The following CDH8 variants were observed in gnomAD, a reference collection of about 807,000 sequenced individuals.
The protein encoded by CDH8 is cadherin 8, also known as cadherin-8.
A neutral mutation model predicts 68.1 loss-of-function variants in CDH8; 17 were observed. The ratio of observed to expected loss-of-function variants is 0.25; its 90% confidence interval spans 0.17 to 0.37. The LOEUF is 0.37. CDH8 is among the 10% of genes least tolerant of loss of function. The pLI is 1.00. For missense variants in CDH8, 763 were observed against 999.3 expected, an observed-to-expected ratio of 0.76 and a Z score of 3.19; for synonymous variants, 372 against 365.1, an observed-to-expected ratio of 1.02 and a Z score of -0.21.
At chr16:61,772,092 G>A (rs1241365095) in intron 8 of CDH8, among the ~76,000 whole-genome samples, 6 of 151,786 alleles carry the variant, frequency 4.0e-5, no homozygotes, top group Non-Finnish European at 8.8e-5. Flanking sequence ...AGAACCCAGA[G>A]GTTTCTAAAT....
At chr16:61,782,345 C>T (rs1030956658) in intron 8 of CDH8, among the ~76,000 whole-genome samples, 21 of 152,142 alleles carry the variant, frequency 1.4e-4, no homozygotes, top group African/African-American at 2.2e-4. Flanking sequence ...CCTGGAAAAT[C>T]GGGTCACTCC....
At chr16:61,714,245 C>T in intron 9 of CDH8, 1 of 324,490 alleles carries the variant, frequency 3.1e-6, no homozygotes, top group Non-Finnish European at 5.7e-6. Context: ...ATCCACTGGG[C>T]AATTACAGGT....
At chr16:61,903,279 G>A (rs532365413) in intron 2 of CDH8, among the ~76,000 whole-genome samples, 61 of 152,296 alleles carry the variant, frequency 4.0e-4, no homozygotes, top group Admixed American at 8.5e-4. Context: ...AATTAACTAA[G>A]AGAAGTAACT....
At chr16:61,938,423 G>A (rs919907712) in intron 2 of CDH8, among the ~76,000 whole-genome samples, 4 of 152,100 alleles carry the variant, frequency 2.6e-5, no homozygotes, top group South Asian at 2.1e-4. Context: ...TGGGAATCTC[G>A]CTTTGCCTGA....
At chr16:61,890,707 A>G (rs563023042) in intron 3 of CDH8, among the ~76,000 whole-genome samples, 2 of 152,244 alleles carry the variant, frequency 1.3e-5, no homozygotes, top group Admixed American at 6.5e-5. Context: ...AATGATACCA[A>G]TATTATCCCT....
chr16:61,659,691 C>G (rs1161583397), intron 10 of CDH8, among the ~76,000 whole-genome samples: 1 of 152,074 alleles, frequency 6.6e-6, no homozygotes, highest in Non-Finnish European at 1.5e-5. Flanking sequence ...ATCATATGCT[C>G]TGCCCTAAGG....
At chr16:61,953,007 G>GCCTT (rs1964921862) in intron 2 of CDH8, among the ~76,000 whole-genome samples, 1 of 152,122 alleles carries the variant, frequency 6.6e-6, no homozygotes, top group Non-Finnish European at 1.5e-5. Context: ...AGGAGGTAGG[G>GCCTT]CCTTTGGGAG....
chr16:61,781,109 G>A (rs1177101773), intron 8 of CDH8, among the ~76,000 whole-genome samples: 1 of 152,184 alleles, frequency 6.6e-6, no homozygotes, highest in Non-Finnish European at 1.5e-5. Flanking sequence ...TTGTCACCCT[G>A]CAGCTAACAG....
chr16:61,780,113 G>T (rs1281226515), intron 8 of CDH8, among the ~76,000 whole-genome samples: 1 of 152,144 alleles, frequency 6.6e-6, no homozygotes, highest in African/African-American at 2.4e-5. Context: ...AATGTTATGA[G>T]AATTAAAAGC....
At chr16:61,922,887 T>C (rs1331557216) in intron 2 of CDH8, among the ~76,000 whole-genome samples, 1 of 152,218 alleles carries the variant, frequency 6.6e-6, no homozygotes, top group Non-Finnish European at 1.5e-5. Flanking sequence ...TTATTGAGAA[T>C]AGATGAATAT....
intron 9 of CDH8, chr16:61,726,629 A>T (rs761769073): frequency 1.0e-4 from 18 of 172,496 alleles, no homozygotes; most frequent in South Asian, 7.9e-4. Context: ...ATATATTTAC[A>T]TATTTACAGA....
intron 8 of CDH8, among the ~76,000 whole-genome samples, chr16:61,735,719 G>T (rs942690704): frequency 7.2e-5 from 11 of 152,184 alleles, no homozygotes; most frequent in Non-Finnish European, 1.6e-4. Context: ...GTCACAGGAA[G>T]ATTTAAAATA....
rs1335354156 is a variant in CDH8, at chr16:62,013,248, C to T, written c.252+7904G>A. On this transcript the variant is annotated intron_variant, in intron 2 of 11. Transcript: ENST00000577390. Reference sequence around the variant, plus strand: ...CCGCAGTCCGGCCTGGGCGACAGAGCGAGACTCCGTCTCAAAAAAAAAAAA... The same window carrying T: ...CCGCAGTCCGGCCTGGGCGACAGAGTGAGACTCCGTCTCAAAAAAAAAAAA... Among the ~76,000 whole-genome samples the T allele has an allele frequency of 2.6e-4, 5 of 19,120 alleles. 1 individual carries two copies. Among genetic ancestry groups the T allele is most frequent in the African/African-American group, 8.8e-4 (5 of 5,672 alleles). 12.5% of individuals were successfully genotyped at this position (19,120 alleles called of 152,430 possible). A position where few individuals can be genotyped will look rare whatever the true frequency, so the allele number is the denominator to read the frequency against.
At chr16:61,820,826 G>C in intron 6 of CDH8, 100 bp downstream of exon 6, 5 of 933,298 alleles carry the variant, frequency 5.4e-6, no homozygotes, top group Non-Finnish European at 8.3e-6. Context: ...ACACCTACCA[G>C]CTGTGCAATT....
At position 61,650,311 on chromosome 16, in the gene CDH8, G is replaced by T. The variant is rs1015850709; in HGVS notation, c.*3297C>A. ...GTAGAGGCTGAATTGATCCCATGTT[G>T]TGTCCAATCACCCAGGGATGCATCA... On this transcript the variant is annotated 3_prime_UTR_variant, in exon 12 of 12. Coordinates refer to ENST00000577390, the MANE Select transcript of CDH8 (RefSeq NM_001796.5). 6.6e-6 allele frequency: 1 copy of T among 151,972 alleles called. No homozygotes were observed. The highest frequency in any genetic ancestry group is 1.9e-4 in the East Asian group (1 of 5,154). 9.4% of individuals were successfully genotyped at this position (151,972 alleles called of 1,614,324 possible).
intron 3 of CDH8, among the ~76,000 whole-genome samples, chr16:61,865,855 T>C (rs1597027825): frequency 6.6e-6 from 1 of 152,202 alleles, no homozygotes; most frequent in Non-Finnish European, 1.5e-5. Context: ...CAGCTATCGA[T>C]ATCCATACTG....
At chr16:61,952,877 G>C (rs1510169) in intron 2 of CDH8, among the ~76,000 whole-genome samples, 75,433 of 152,006 alleles carry the variant, frequency 0.5, 20,832 homozygotes, top group African/African-American at 0.75. Context: ...ACAAAGAGAT[G>C]ACTTAGAATA....
chr16:61,742,872 T>A (rs1959914026), intron 8 of CDH8, among the ~76,000 whole-genome samples: 1 of 152,180 alleles, frequency 6.6e-6, no homozygotes, highest in African/African-American at 2.4e-5. Flanking sequence ...TTTATATCGG[T>A]GAGTTCATTT....
At chr16:62,002,170 A>G (rs1446942656) in intron 2 of CDH8, among the ~76,000 whole-genome samples, 7 of 152,216 alleles carry the variant, frequency 4.6e-5, no homozygotes, top group Non-Finnish European at 1.5e-5. Flanking sequence ...CAGAAAAACA[A>G]GTTAATCAAT....
Sources: allele counts gnomAD v4.1 joint callset (sites outside exome capture counted in the v4.1 genomes callset), GRCh38; gene constraint gnomAD v4.1.1; transcripts MANE v1.5; gene names NCBI Gene and HGNC (gene_info 2026-07-23, HGNC 2026-07-21).